The following SV2A variants were observed in gnomAD, a reference collection of about 807,000 sequenced individuals.
SV2A encodes synaptic vesicle glycoprotein 2A.
In SV2A, 25 loss-of-function variants were observed where a neutral mutation model predicts 78.0. The ratio of observed to expected loss-of-function variants is 0.32; its 90% confidence interval spans 0.23 to 0.45. The LOEUF (loss-of-function observed/expected upper bound fraction) is 0.45, where lower values mean the gene tolerates loss of function less well. Among genes scored for constraint, SV2A ranks in the 20% least tolerant of loss-of-function variants. The pLI, the probability that SV2A is intolerant of heterozygous loss-of-function variation, is 1.00. For synonymous variants in SV2A, 355 were observed against 384.7 expected (o/e 0.92, Z 0.90); for missense variants, 752 against 971.5 (o/e 0.77, Z 3.00).
chr1:149,910,021 C>A lies in SV2A; in HGVS notation c.1090-131G>T. On this transcript the variant is annotated intron_variant, in intron 5 of 12. Coordinates refer to ENST00000369146, the MANE Select transcript of SV2A (RefSeq NM_014849.5). The surrounding 1 kb of genome is among the most constrained non-coding windows in gnomAD (Gnocchi z 4.2). Reference sequence around the variant, plus strand: ...GGTTCCCAGCCCTCAACCCCACCACCAAGCCCTGACCTATGGGCATGCACT... The same window carrying A: ...GGTTCCCAGCCCTCAACCCCACCACAAAGCCCTGACCTATGGGCATGCACT... 2.5e-6 allele frequency: 2 copies of A among 790,728 alleles called. No individual in the cohort carries two copies. Among genetic ancestry groups the A allele is most frequent in the Non-Finnish European group, 4.2e-6 (2 of 473,854 alleles). The allele number at this position is 790,728 out of a possible 1,614,324, so 49.0% of individuals were successfully genotyped here.
chr1:149,913,350 A>C lies in SV2A; in HGVS notation c.491T>G (p.Phe164Cys). ...AAGCACAAAATACAGTGTCCACTGG[A>C]AGCGGCCGTGGCCACACTCCCGTAG... ...AILRECGHGR[F>C]QWTLYFVLGL... The change falls in exon 2 of 13, where the codon TTC becomes TGC. Residue 164 changes from phenylalanine (F) to cysteine (C), a missense_variant. Transcript: ENST00000369146. 1 of 1,614,166 alleles carries C rather than the reference A, an allele frequency of 6.2e-7. No individual in the cohort carries two copies. The highest frequency in any genetic ancestry group is 8.5e-7 in the Non-Finnish European group (1 of 1,180,016).
At position 149,905,042 on chromosome 1, in the gene SV2A, G is replaced by A; in HGVS notation, c.2201C>T (p.Pro734Leu). The change falls in exon 13 of 13, where the codon CCT (proline) becomes CTT (leucine). Residue 734 changes from proline to leucine, a missense_variant. Physicochemically the swap from Pro to Leu is moderately conservative, Grantham distance 98. Coordinates refer to ENST00000369146, the MANE Select transcript of SV2A (RefSeq NM_014849.5). ...CTGCAGCACCTGCCCCCGGGTCTCAGGCAGCTTCAGGGCCAGAGAGCTGCC... is the reference window on the plus strand; with the variant it reads ...CTGCAGCACCTGCCCCCGGGTCTCAAGCAGCTTCAGGGCCAGAGAGCTGCC... ...ALGSSLALKL[P>L]ETRGQVLQ is the part of the protein sequence containing the mutation. 1 of 1,612,646 alleles carries A rather than the reference G, an allele frequency of 6.2e-7. No individual in the cohort carries two copies. Among genetic ancestry groups the A allele is most frequent in the Non-Finnish European group, 8.5e-7 (1 of 1,179,482 alleles).
intron 6 of SV2A, 60 bp from the exon 7 acceptor site, chr1:149,909,631 C>T (rs56351279): frequency 0.12 from 178,149 of 1,532,980 alleles, 14,165 homozygotes; most frequent in African/African-American, 0.38. Flanking sequence ...ATCGGCCAGG[C>T]GCCTCAGTTT....
chr1:149,909,456 A>G lies in SV2A; in HGVS notation c.1290+5T>C. The stretch of plus-strand genomic sequence containing the variant: ...CCTTCTATCTACCACCCCGTCCACC[A>G]TTACCTGCCCCCCTAGGCTCAAGGC... On this transcript the variant is annotated splice_donor_5th_base_variant and intron_variant, in intron 7 of 12. Coordinates refer to ENST00000369146, the MANE Select transcript of SV2A (RefSeq NM_014849.5). 1 of 1,609,364 alleles carries G rather than the reference A, an allele frequency of 6.2e-7. No individual in the cohort carries two copies.
Position 149,913,435 on chromosome 1 carries a change from G to T in SV2A, c.406C>A (p.Arg136=). ...TCTTTCCGTCGTTGTGCCTCCCCCCGGCCCCCAGGGGGACCCTCCCCATCA... is the reference window on the plus strand; with the variant it reads ...TCTTTCCGTCGTTGTGCCTCCCCCCTGCCCCCAGGGGGACCCTCCCCATCA... ...LSDGEGPPGG[R]GEAQRRKERE... The change falls in exon 2 of 13, where the codon CGG becomes AGG. Residue 136 remains arginine (R), a synonymous_variant. Coordinates refer to ENST00000369146, the MANE Select transcript of SV2A (RefSeq NM_014849.5). 6.2e-7 allele frequency: 1 copy of T among 1,608,568 alleles called. No homozygotes were observed. The highest frequency in any genetic ancestry group is 1.7e-4 in the Middle Eastern group (1 of 6,060).
rs587624019 is a variant in SV2A, at chr1:149,915,554, G to A, written c.-347-1367C>T. Among the ~76,000 whole-genome samples, 3 of 152,290 alleles carry A rather than the reference G, an allele frequency of 2.0e-5. No homozygotes were observed. The South Asian group carries it at 6.2e-4, about 32-fold the overall frequency. On this transcript the variant is annotated intron_variant, in intron 1 of 12. Coordinates refer to ENST00000369146, the MANE Select transcript of SV2A (RefSeq NM_014849.5). ...CACAGATGGGGGTGAGAATGGAAAT[G>A]ACTGTCAAATGCATACATTTCCAAC...
rs1475306128 is a variant in SV2A at position 149,903,357 on chromosome 1, C to T, written c.*1657G>A. The T allele has an allele frequency of 8.5e-5, 13 of 152,180 alleles. No homozygotes were observed. Among genetic ancestry groups the T allele is most frequent in the African/African-American group, 3.1e-4 (13 of 41,440 alleles). 9.4% of individuals were successfully genotyped at this position (152,180 alleles called of 1,614,324 possible). A position where few individuals can be genotyped will look rare whatever the true frequency, so the allele number is the denominator to read the frequency against. Reference sequence around the variant, plus strand: ...GATTTGTTTCCGTTTTATTTTTCGTCAATATTTTTCACTGCATTTTTCACA... The same window carrying T: ...GATTTGTTTCCGTTTTATTTTTCGTTAATATTTTTCACTGCATTTTTCACA... On this transcript the variant is annotated 3_prime_UTR_variant, in exon 13 of 13. Transcript: ENST00000369146.
chr1:149,916,204 G>A (rs2092512737), intron 1 of SV2A, among the ~76,000 whole-genome samples: 1 of 152,146 alleles, frequency 6.6e-6, no homozygotes, highest in Non-Finnish European at 1.5e-5. Context: ...CCCACCAGGA[G>A]CCATACTCTA....
At position 149,909,464 on chromosome 1, in the gene SV2A, C is replaced by T. The variant is rs1553763332; in HGVS notation, c.1287G>A (p.Gly429=). 8 of 1,612,434 alleles carry T rather than the reference C, an allele frequency of 5.0e-6. No homozygotes were observed. In the Admixed American group the frequency reaches 6.7e-5, roughly 13 times the overall value. ...CTACCACCCCGTCCACCATTACCTG[C>T]CCCCCTAGGCTCAAGGCCCGGACCC... ...RWGVRALSLG[G]QVWGNFLSCF... The change falls in exon 7 of 13, where the codon GGG becomes GGA. Residue 429 remains glycine (G), a synonymous_variant. Transcript: ENST00000369146.
intron 8 of SV2A, 134 bp from the exon 9 acceptor site, chr1:149,908,340 A>G (rs782157456): frequency 3.8e-6 from 4 of 1,040,464 alleles, no homozygotes; most frequent in Non-Finnish European, 5.6e-6. Context: ...CTCTGTTAGG[A>G]CCTTGCTCCT....
At position 149,904,991 on chromosome 1, in the gene SV2A, A is replaced by G. The variant is rs782567556; in HGVS notation, c.*23T>C. On this transcript the variant is annotated 3_prime_UTR_variant, in exon 13 of 13. Coordinates refer to ENST00000369146, the MANE Select transcript of SV2A (RefSeq NM_014849.5). ...TGTTGGTCTCACAGTGTGCCTGCCAATCCCAAAGCCCTAGAGACCCCTTCA... is the reference window on the plus strand; with the variant it reads ...TGTTGGTCTCACAGTGTGCCTGCCAGTCCCAAAGCCCTAGAGACCCCTTCA... 54 of 1,593,058 alleles carry G rather than the reference A, an allele frequency of 3.4e-5. No individual in the cohort carries two copies. The highest frequency in any genetic ancestry group is 1.8e-4 in the Middle Eastern group (1 of 5,418).
At chr1:149,914,803 TA>T (rs1553764354) in intron 1 of SV2A, among the ~76,000 whole-genome samples, 3 of 152,186 alleles carry the variant, frequency 2.0e-5, no homozygotes, top group African/African-American at 7.2e-5. Context: ...TCTTCTTGTT[TA>T]AAAAGGGGAA....
chr1:149,913,388 C>T lies in SV2A; in HGVS notation c.453G>A (p.Gln151=). Residue 151 remains glutamine (Q), a synonymous_variant, in exon 2 of 13, where the codon CAG becomes CAA. Coordinates refer to ENST00000369146, the MANE Select transcript of SV2A (RefSeq NM_014849.5). ...CACACTCCCGTAGGATGGCTTCATA[C>T]TGTTGGGCCAGTTCTTCTCGTTCTT... ...RRKEREELAQ[Q]YEAILRECGH... is the part of the protein sequence containing the mutation. 6.2e-7 allele frequency: 1 copy of T among 1,614,150 alleles called. No individual in the cohort carries two copies. Among genetic ancestry groups the T allele is most frequent in the Non-Finnish European group, 8.5e-7 (1 of 1,180,038 alleles).
chr1:149,906,795 CTTG>C lies in SV2A; in HGVS notation c.1737_1739del (p.Asn579del), dbSNP rs782024538. 3 of 1,614,206 alleles carry C rather than the reference CTTG, an allele frequency of 1.9e-6. No homozygotes were observed. The highest frequency in any genetic ancestry group is 2.5e-6 in the Non-Finnish European group (3 of 1,180,034). On this transcript the variant is annotated inframe_deletion, in exon 11 of 13. Coordinates refer to ENST00000369146, the MANE Select transcript of SV2A (RefSeq NM_014849.5). The stretch of plus-strand genomic sequence containing the variant: ...CTGTCACGTCTAGCGGGCAGCCCTC[CTTG>C]TTGTGCAGGAATGTACTGTTTATCA...
rs1553763056 is a variant in SV2A, at chr1:149,908,079, T to G, written c.1507A>C (p.Asn503His). ...EHVTFNFTLE[N>H]QIHRGGQYFN... ...TACTGCCCGCCTCGGTGGATCTGAT[T>G]CTCCAACGTGAAGTTAAAAGTTACA... is the stretch of plus-strand genomic sequence containing the variant. Residue 503 changes from asparagine to histidine, a missense_variant, in exon 9 of 13, where the codon AAT (asparagine) becomes CAT (histidine). This residue lies in a region of SV2A where 81 missense variants were observed against 74.2 expected (regional missense o/e 1.09). Transcript: ENST00000369146. 6.2e-7 allele frequency: 1 copy of G among 1,614,046 alleles called. No individual in the cohort carries two copies. The highest frequency in any genetic ancestry group is 1.7e-5 in the Admixed American group (1 of 60,004).
At position 149,907,852 on chromosome 1, in the gene SV2A, G is replaced by A; in HGVS notation, c.1545-19C>T. 1 of 1,611,588 alleles carries A rather than the reference G, an allele frequency of 6.2e-7. No individual in the cohort carries two copies. Among genetic ancestry groups the A allele is most frequent in the South Asian group, 1.1e-5 (1 of 90,788 alleles). ...AATGAACCTGTAAGGCCAGGATGGT[G>A]AAAGACACTCCCCCGTCATCCTCAT... On this transcript the variant is annotated intron_variant, in intron 9 of 12. Transcript: ENST00000369146.
At chr1:149,908,597 A>T (rs1379118788) in intron 8 of SV2A, among the ~76,000 whole-genome samples, 2 of 94,004 alleles carry the variant, frequency 2.1e-5, no homozygotes, top group African/African-American at 8.5e-5. Context: ...CCCTTCCCCC[A>T]CCCTTCTCTC....
Position 149,913,479 on chromosome 1 carries a change from C to T in SV2A, c.362G>A (p.Gly121Glu). The change falls in exon 2 of 13, where the codon GGA (glycine) becomes GAA (glutamate). Residue 121 changes from glycine (G) to glutamate (E), a missense_variant. This residue lies in a region of SV2A where 291 missense variants were observed against 359.5 expected (regional missense o/e 0.81). Coordinates refer to ENST00000369146, the MANE Select transcript of SV2A (RefSeq NM_014849.5). ...ERMADGAPLAGVRGGLSDGEG... is the reference protein window; with the variant it reads ...ERMADGAPLAEVRGGLSDGEG... ...CCCATCACTCAAGCCCCCCCTTACT[C>T]CAGCCAGGGGCGCCCCATCTGCCAT... 1.2e-6 allele frequency: 2 copies of T among 1,610,210 alleles called. No homozygotes were observed. Among genetic ancestry groups the T allele is most frequent in the East Asian group, 4.5e-5 (2 of 44,340 alleles).
chr1:149,906,110 C>T, intron 11 of SV2A, 71 bp from the exon 12 acceptor site: 1 of 1,560,642 alleles, frequency 6.4e-7, no homozygotes, highest in South Asian at 1.2e-5. Context: ...CACCCTGTCC[C>T]ATCAGCTGGC....
Sources: allele counts gnomAD v4.1 joint callset (sites outside exome capture counted in the v4.1 genomes callset), GRCh38; gene constraint gnomAD v4.1.1; regional missense constraint gnomAD v4.1.1; non-coding constraint Gnocchi (gnomAD v3.1); transcripts MANE v1.5; gene names NCBI Gene and HGNC (gene_info 2026-07-23, HGNC 2026-07-21).